Variants in RPS6KC1 observed in about 807,000 individuals in gnomAD.
RPS6KC1 encodes inactive ribosomal protein S6 kinase delta-1.
RPS6KC1 carries 54 observed loss-of-function variants against 103.8 expected under a neutral mutation model. That is an observed-to-expected ratio of 0.52 (90% CI 0.42 to 0.65). RPS6KC1 has a LOEUF of 0.65. Among genes scored for constraint, RPS6KC1 ranks in the 30% least tolerant of loss-of-function variants. The pLI, the probability that RPS6KC1 is intolerant of heterozygous loss-of-function variation, is 0.00. For missense variants in RPS6KC1, 1,151 were observed against 1,253.8 expected (o/e 0.92, Z 1.24); for synonymous variants, 439 against 438.7 (o/e 1.00, Z -0.01).
chr1:213,387,861 G>T, the RPS6KC1 span, among the ~76,000 whole-genome samples: 3 of 152,220 alleles, frequency 2.0e-5, no homozygotes, highest in Non-Finnish European at 4.4e-5. Flanking sequence ...CTGGCAAGAG[G>T]CAGGGCCCAG....
At chr1:213,846,826 A>T in the RPS6KC1 span, among the ~76,000 whole-genome samples, 1 of 152,202 alleles carries the variant, frequency 6.6e-6, no homozygotes, top group Non-Finnish European at 1.5e-5. Flanking sequence ...TAAATTATGA[A>T]ATCCCCAATT....
At chr1:213,259,734 ATTTTTTTT>A (rs71147063) in intron 12 of RPS6KC1, among the ~76,000 whole-genome samples, 2 of 97,918 alleles carry the variant, frequency 2.0e-5, no homozygotes, top group Admixed American at 1.5e-4. Context: ...TGTTTTTTTA[ATTTTTTTT>A]TTTTTTTTTT....
chr1:213,459,478 T>C, the RPS6KC1 span, among the ~76,000 whole-genome samples: 1 of 152,160 alleles, frequency 6.6e-6, no homozygotes, highest in Non-Finnish European at 1.5e-5. Flanking sequence ...TATTTGATTA[T>C]TTTTTCTTCT....
chr1:213,844,297 A>G, the RPS6KC1 span, among the ~76,000 whole-genome samples: 1 of 152,252 alleles, frequency 6.6e-6, no homozygotes, highest in South Asian at 2.1e-4. Context: ...GCCAACTTTT[A>G]TATTTAAAAT....
At chr1:213,114,902 C>T (rs1224303030) in intron 4 of RPS6KC1, among the ~76,000 whole-genome samples, 1 of 152,126 alleles carries the variant, frequency 6.6e-6, no homozygotes, top group Admixed American at 6.5e-5. Context: ...AGGGATGAAG[C>T]CCACTTGATC....
At chr1:213,740,174 G>A in the RPS6KC1 span, among the ~76,000 whole-genome samples, 3 of 152,056 alleles carry the variant, frequency 2.0e-5, no homozygotes, top group African/African-American at 4.8e-5. Context: ...GGCCATATCA[G>A]GGCTTCTGAG....
At chr1:213,281,497 G>A in the RPS6KC1 span, among the ~76,000 whole-genome samples, 577 of 152,312 alleles carry the variant, frequency 3.8e-3, 5 homozygotes, top group South Asian at 0.016. Context: ...GCACAGGGCT[G>A]CCTTTTGCCT....
chr1:213,072,987 G>GT (rs1386651603), intron 2 of RPS6KC1: 1 of 803,656 alleles, frequency 1.2e-6, no homozygotes, highest in East Asian at 1.2e-4. Context: ...GAAAACTCTT[G>GT]TAAGTGTCTT....
At chr1:213,254,505 G>A (rs1213446954) in intron 12 of RPS6KC1, among the ~76,000 whole-genome samples, 1 of 152,186 alleles carries the variant, frequency 6.6e-6, no homozygotes, top group Non-Finnish European at 1.5e-5. Flanking sequence ...GGCATCTTAG[G>A]TTAATGGAGG....
At chr1:213,630,288 T>C in the RPS6KC1 span, among the ~76,000 whole-genome samples, 1 of 152,162 alleles carries the variant, frequency 6.6e-6, no homozygotes, top group Non-Finnish European at 1.5e-5. Context: ...CTTTTTATTC[T>C]TTTTTCTCTA....
chr1:213,852,011 GC>G, the RPS6KC1 span, among the ~76,000 whole-genome samples: 1 of 152,078 alleles, frequency 6.6e-6, no homozygotes, highest in Non-Finnish European at 1.5e-5. Context: ...TATGCACCAA[GC>G]TTTTTCTGAC....
intron 8 of RPS6KC1, among the ~76,000 whole-genome samples, chr1:213,186,992 C>A (rs185893939): frequency 1.4e-3 from 219 of 152,240 alleles, no homozygotes; most frequent in African/African-American, 5.0e-3. Flanking sequence ...ATTTCATCCT[C>A]TATTGCCTAG....
chr1:213,659,954 T>G, the RPS6KC1 span, among the ~76,000 whole-genome samples: 1 of 152,178 alleles, frequency 6.6e-6, no homozygotes, highest in Non-Finnish European at 1.5e-5. Flanking sequence ...TAAGGTCAGG[T>G]TGCAAAGGAG....
At chr1:213,527,268 C>A in the RPS6KC1 span, among the ~76,000 whole-genome samples, 2 of 152,180 alleles carry the variant, frequency 1.3e-5, no homozygotes, top group Non-Finnish European at 2.9e-5. Flanking sequence ...GGAAATCTTA[C>A]AATTTGTAGT....
the RPS6KC1 span, among the ~76,000 whole-genome samples, chr1:213,520,287 G>C: frequency 9.9e-5 from 15 of 152,220 alleles, no homozygotes; most frequent in South Asian, 3.1e-3. Context: ...CTTCTTACAT[G>C]GCAGCAGGCA....
chr1:213,080,005 C>T (rs1352391661), intron 3 of RPS6KC1, among the ~76,000 whole-genome samples: 1 of 151,308 alleles, frequency 6.6e-6, no homozygotes, highest in Non-Finnish European at 1.5e-5. Flanking sequence ...CAACCTCTGC[C>T]TCCTGGGTTC....
chr1:213,587,486 T>C, the RPS6KC1 span, among the ~76,000 whole-genome samples: 3 of 152,176 alleles, frequency 2.0e-5, no homozygotes, highest in Non-Finnish European at 4.4e-5. Context: ...GGGTAGATGG[T>C]GAGCTGCTAT....
the RPS6KC1 span, among the ~76,000 whole-genome samples, chr1:213,707,405 T>TC: frequency 6.6e-6 from 1 of 152,202 alleles, no homozygotes; most frequent in African/African-American, 2.4e-5. Flanking sequence ...TGTTTTTTTT[T>TC]CTTGTAAATT....
chr1:213,477,265 A>G, the RPS6KC1 span, among the ~76,000 whole-genome samples: 437 of 152,328 alleles, frequency 2.9e-3, 1 homozygote, highest in African/African-American at 0.01. Context: ...ATATTTGAAA[A>G]GCATAAGTAT....
Sources: gnomAD v4.1 joint callset for allele counts (sites outside exome capture counted in the v4.1 genomes callset) on GRCh38, gnomAD v4.1.1 for gene constraint, MANE v1.5 for transcripts, NCBI Gene and HGNC (gene_info 2026-07-23, HGNC 2026-07-21) for gene names.